Variants in SUGCT observed in about 807,000 individuals in gnomAD.
SUGCT encodes the protein succinyl-CoA:glutarate CoA-transferase.
In SUGCT, 41 loss-of-function variants were observed where a neutral mutation model predicts 55.0. The observed-to-expected ratio is 0.74, with a 90% CI of 0.58 to 0.97. The LOEUF is 0.97. Ranked by LOEUF, SUGCT falls within the 50% of genes least tolerant of loss-of-function variation. The pLI, the probability that SUGCT is intolerant of heterozygous loss-of-function variation, is 0.00. For synonymous variants in SUGCT, 187 were observed against 200.4 expected (o/e 0.93, Z 0.56); for missense variants, 568 against 547.8 (o/e 1.04, Z -0.37).
chr7:40,269,622 C>G (rs1381453572), intron 7 of SUGCT, among the ~76,000 whole-genome samples: 1 of 152,158 alleles, frequency 6.6e-6, no homozygotes, highest in Non-Finnish European at 1.5e-5. Flanking sequence ...TGCTCCTGAC[C>G]TACCCATTTT....
intron 9 of SUGCT, among the ~76,000 whole-genome samples, chr7:40,350,224 T>C (rs1797543675): frequency 6.6e-6 from 1 of 151,424 alleles, no homozygotes; most frequent in Non-Finnish European, 1.5e-5. Flanking sequence ...TTATTACAAT[T>C]TGATTTTTAA....
At chr7:40,161,732 C>T (rs939255024) in intron 1 of SUGCT, among the ~76,000 whole-genome samples, 3 of 152,102 alleles carry the variant, frequency 2.0e-5, no homozygotes, top group Admixed American at 6.6e-5. Context: ...CCTTCTAATC[C>T]TCTGGACAGC....
chr7:40,445,197 A>G (rs1788750418), intron 9 of SUGCT, among the ~76,000 whole-genome samples: 2 of 152,154 alleles, frequency 1.3e-5, no homozygotes, highest in African/African-American at 4.8e-5. Flanking sequence ...AAAAAAATCA[A>G]TGAATTCAGG....
At chr7:40,949,384 A>T in the SUGCT span, among the ~76,000 whole-genome samples, 32 of 151,776 alleles carry the variant, frequency 2.1e-4, no homozygotes, top group African/African-American at 3.2e-4. Flanking sequence ...GATTGCAAAA[A>T]TTTTCTCCCA....
At chr7:40,398,515 CTTTTT>C (rs138325012) in intron 9 of SUGCT, among the ~76,000 whole-genome samples, 5 of 130,932 alleles carry the variant, frequency 3.8e-5, no homozygotes, top group African/African-American at 1.1e-4. Flanking sequence ...ACTTTACTGG[CTTTTT>C]TTTTTTTTTT....
At chr7:40,640,412 C>T (rs548723259) in intron 12 of SUGCT, among the ~76,000 whole-genome samples, 1 of 151,812 alleles carries the variant, frequency 6.6e-6, no homozygotes. Flanking sequence ...AGTGTAGATA[C>T]ATGCATGGCT....
chr7:40,929,147 C>T, the SUGCT span, among the ~76,000 whole-genome samples: 166 of 151,116 alleles, frequency 1.1e-3, 3 homozygotes, highest in East Asian at 0.029. Flanking sequence ...TTGTTCAATT[C>T]CCACCTATGA....
At chr7:40,462,514 G>A (rs765895111) in intron 11 of SUGCT, among the ~76,000 whole-genome samples, 3 of 152,122 alleles carry the variant, frequency 2.0e-5, no homozygotes, top group African/African-American at 4.8e-5. Context: ...AAGAGAGAGC[G>A]TCAAGGGAGG....
intron 12 of SUGCT, among the ~76,000 whole-genome samples, chr7:40,720,749 C>T (rs1483421535): frequency 6.6e-6 from 1 of 152,114 alleles, no homozygotes; most frequent in Non-Finnish European, 1.5e-5. Flanking sequence ...TGTTTTTGCT[C>T]CTTGAATGTA....
chr7:40,404,623 G>T (rs1042512644), intron 9 of SUGCT, among the ~76,000 whole-genome samples: 3 of 152,064 alleles, frequency 2.0e-5, no homozygotes, highest in Non-Finnish European at 4.4e-5. Flanking sequence ...TTTTAGTAGA[G>T]ACAGGGTTTT....
the SUGCT span, among the ~76,000 whole-genome samples, chr7:40,889,254 G>T: frequency 6.6e-6 from 1 of 152,096 alleles, no homozygotes; most frequent in Non-Finnish European, 1.5e-5. Flanking sequence ...AAAGTACGGG[G>T]GATCAGTCTG....
At chr7:40,513,246 C>T (rs893262486) in intron 12 of SUGCT, among the ~76,000 whole-genome samples, 2 of 152,070 alleles carry the variant, frequency 1.3e-5, no homozygotes, top group South Asian at 4.1e-4. Flanking sequence ...AACTCTGGGC[C>T]TCAGCTTCTG....
At chr7:40,493,356 A>G (rs577733561) in intron 11 of SUGCT, among the ~76,000 whole-genome samples, 1 of 152,318 alleles carries the variant, frequency 6.6e-6, no homozygotes, top group East Asian at 1.9e-4. Flanking sequence ...TAATGTCACA[A>G]TTATTTCCAA....
intron 11 of SUGCT, among the ~76,000 whole-genome samples, chr7:40,478,401 G>A (rs1172810222): frequency 1.3e-5 from 2 of 152,064 alleles, no homozygotes; most frequent in Non-Finnish European, 2.9e-5. Flanking sequence ...CACGAAACTT[G>A]CGCGAGGTAG....
chr7:40,333,955 A>C lies in SUGCT; in HGVS notation c.816+17100A>C, dbSNP rs569369733. Among the ~76,000 whole-genome samples, 630 of 151,822 alleles carry C rather than the reference A, an allele frequency of 4.1e-3. 3 individuals carry two copies. Among genetic ancestry groups the C allele is most frequent in the South Asian group, 0.01 (49 of 4,804 alleles). On this transcript the variant is annotated intron_variant, in intron 9 of 13. Transcript: ENST00000335693. Reference sequence around the variant, plus strand: ...GGGTGATAGTCCCCTTCCTGTGTCCAAGTGTTCTCATTGTTCAATTCCCAC... The same window carrying C: ...GGGTGATAGTCCCCTTCCTGTGTCCCAGTGTTCTCATTGTTCAATTCCCAC...
the SUGCT span, among the ~76,000 whole-genome samples, chr7:41,034,264 C>G: frequency 1.3e-5 from 2 of 152,190 alleles, no homozygotes; most frequent in Non-Finnish European, 2.9e-5. Context: ...TGAGTGTGTG[C>G]AAGGGAGAAG....
chr7:40,616,201 T>G (rs1031914540), intron 12 of SUGCT, among the ~76,000 whole-genome samples: 13 of 152,192 alleles, frequency 8.5e-5, no homozygotes, highest in Admixed American at 8.5e-4. Flanking sequence ...AAGTAGTTTT[T>G]TTTTTTCTTT....
chr7:40,938,786 C>T, the SUGCT span, among the ~76,000 whole-genome samples: 3 of 151,978 alleles, frequency 2.0e-5, no homozygotes, highest in Admixed American at 6.6e-5. Flanking sequence ...TTTTTTATTC[C>T]TGAATTACTT....
At chr7:41,009,982 T>C in the SUGCT span, among the ~76,000 whole-genome samples, 1 of 152,222 alleles carries the variant, frequency 6.6e-6, no homozygotes, top group Admixed American at 6.5e-5. Context: ...CTTTGATGTG[T>C]GCATCTCAAC....
Sources: gnomAD v4.1 joint callset for allele counts (sites outside exome capture counted in the v4.1 genomes callset) on GRCh38, gnomAD v4.1.1 for gene constraint, MANE v1.5 for transcripts, NCBI Gene and HGNC (gene_info 2026-07-23, HGNC 2026-07-21) for gene names.